BDP1: variants seen among roughly 807,000 people sequenced by gnomAD.
The protein encoded by BDP1 is BDP1 general transcription factor IIIB subunit.
Under a neutral mutation model 266.6 loss-of-function variants are expected in BDP1, and 169 were observed. That is an observed-to-expected ratio of 0.63 (90% CI 0.56 to 0.72). The LOEUF (loss-of-function observed/expected upper bound fraction) is 0.72. BDP1 is among the 30% of genes least tolerant of loss of function. The pLI is 0.00. For missense variants in BDP1, 3,015 were observed against 3,053.8 expected (o/e 0.99, Z 0.30); for synonymous variants, 1,090 against 1,022.4 (o/e 1.07, Z -1.26).
chr5:71,477,944 A>G lies in BDP1; in HGVS notation c.1015-5898A>G, dbSNP rs1201980431. The stretch of plus-strand genomic sequence containing the variant: ...AGATAAATTTCTTTTATCCTACTCT[A>G]CTGGCCTTAAAAACAAAAATAAACA... On this transcript the variant is annotated intron_variant, in intron 7 of 38. Coordinates refer to ENST00000358731, the MANE Select transcript of BDP1 (RefSeq NM_018429.3). Among the ~76,000 whole-genome samples the G allele has an allele frequency of 3.3e-5, 5 of 152,034 alleles. No individual in the cohort carries two copies. The East Asian group carries it at 9.7e-4, about 29-fold the overall frequency.
intron 37 of BDP1, 30 bp downstream of exon 37, chr5:71,560,267 T>C (rs767372345): frequency 3.4e-5 from 55 of 1,603,996 alleles, no homozygotes; most frequent in African/African-American, 1.3e-5. Context: ...AATAAGTGTT[T>C]TGCTCTCTGT....
At chr5:71,548,606 A>G in intron 32 of BDP1, 76 bp from the exon 33 acceptor site, 2 of 882,836 alleles carry the variant, frequency 2.3e-6, no homozygotes, top group Middle Eastern at 2.5e-4. Flanking sequence ...TCTTCACTAT[A>G]TCATATTGAC....
chr5:71,523,086 T>G (rs1010153201), intron 24 of BDP1, 137 bp downstream of exon 24: 1 of 586,820 alleles, frequency 1.7e-6, no homozygotes. Context: ...AAGAGGAGTA[T>G]GTATGTATTA....
chr5:71,566,776 T>G lies in BDP1; in HGVS notation c.*1891T>G, dbSNP rs1313077991. On this transcript the variant is annotated 3_prime_UTR_variant, in exon 39 of 39. Coordinates refer to ENST00000358731, the MANE Select transcript of BDP1 (RefSeq NM_018429.3). Reference sequence around the variant, plus strand: ...GATGAGTTATTTGTCACTAAAGTTATGAGTTGTGCCTAAAAGTTAAAACTG... The same window carrying G: ...GATGAGTTATTTGTCACTAAAGTTAGGAGTTGTGCCTAAAAGTTAAAACTG... 2 of 152,234 alleles carry G rather than the reference T, an allele frequency of 1.3e-5. No individual in the cohort carries two copies. The highest frequency in any genetic ancestry group is 4.8e-5 in the African/African-American group (2 of 41,474). 9.4% of individuals were successfully genotyped at this position (152,234 alleles called of 1,614,324 possible).
At chr5:71,474,733 G>C (rs1001584515) in intron 7 of BDP1, among the ~76,000 whole-genome samples, 1 of 151,930 alleles carries the variant, frequency 6.6e-6, no homozygotes, top group Non-Finnish European at 1.5e-5. Flanking sequence ...TGTAGTCCTA[G>C]CTACTCGGGA....
intron 32 of BDP1, 51 bp downstream of exon 32, chr5:71,545,270 T>TAA: frequency 1.6e-5 from 20 of 1,242,084 alleles, no homozygotes; most frequent in Admixed American, 2.5e-5. Context: ...TTCCTCCATT[T>TAA]AAAAAAAAAA....
At chr5:71,484,384 A>C (rs1466969537) in intron 8 of BDP1, among the ~76,000 whole-genome samples, 2 of 152,154 alleles carry the variant, frequency 1.3e-5, no homozygotes, top group Non-Finnish European at 2.9e-5. Flanking sequence ...CTTAAGTCTG[A>C]TTGGATGGCG....
At chr5:71,492,426 T>C (rs114995822) in intron 11 of BDP1, among the ~76,000 whole-genome samples, 2,362 of 152,322 alleles carry the variant, frequency 0.016, 71 homozygotes, top group African/African-American at 0.054. Context: ...TTATTAATAA[T>C]GTCCTTCTGA....
intron 6 of BDP1, among the ~76,000 whole-genome samples, chr5:71,468,832 C>T (rs906102884): frequency 2.0e-5 from 3 of 151,778 alleles, no homozygotes; most frequent in Non-Finnish European, 4.4e-5. Flanking sequence ...GTCTCGAACT[C>T]CTGACCTCAG....
intron 9 of BDP1, among the ~76,000 whole-genome samples, chr5:71,487,317 C>T (rs1348845728): frequency 1.3e-5 from 2 of 152,126 alleles, no homozygotes; most frequent in Non-Finnish European, 2.9e-5. Flanking sequence ...TCTCGACTCA[C>T]TGCAAGCTCC....
Position 71,560,148 on chromosome 5 carries a change from T to C in BDP1, c.7407T>C (p.Ile2469=), listed in dbSNP as rs910647493. The C allele has an allele frequency of 3.7e-6, 6 of 1,614,042 alleles. No homozygotes were observed. The African/African-American group carries it at 8.0e-5, about 22-fold the overall frequency. ...CTCAGTTACCTCAGGATGAAATGATTGTGTCTGATAAGGAAGAAAGAACTG... is the reference window on the plus strand; with the variant it reads ...CTCAGTTACCTCAGGATGAAATGATCGTGTCTGATAAGGAAGAAAGAACTG... ...NVPQLPQDEM[I]VSDKEERTDA... The change falls in exon 37 of 39, where the codon ATT becomes ATC. Residue 2469 remains isoleucine (I), a synonymous_variant. Coordinates refer to ENST00000358731, the MANE Select transcript of BDP1 (RefSeq NM_018429.3).
In BDP1 at chr5:71,549,326, T is replaced by C. The variant is rs1304705895; in HGVS notation, c.6809-94T>C. 3 of 1,032,416 alleles carry C rather than the reference T, an allele frequency of 2.9e-6. No individual in the cohort carries two copies. In the East Asian group the frequency reaches 7.9e-5, roughly 27 times the overall value. The allele number at this position is 1,032,416 out of a possible 1,614,324, so 64.0% of individuals were successfully genotyped here. ...TTTATTTAGTCTTGATGATAAGTTGTCCTGAGACTGTCTTTTTAGAAATGA... is the reference window on the plus strand; with the variant it reads ...TTTATTTAGTCTTGATGATAAGTTGCCCTGAGACTGTCTTTTTAGAAATGA... On this transcript the variant is annotated intron_variant, in intron 33 of 38. Coordinates refer to ENST00000358731, the MANE Select transcript of BDP1 (RefSeq NM_018429.3).
At chr5:71,483,709 C>T in intron 7 of BDP1, 133 bp from the exon 8 acceptor site, 1 of 641,408 alleles carries the variant, frequency 1.6e-6, no homozygotes, top group Admixed American at 3.2e-5. Flanking sequence ...AAGTAACTTG[C>T]CTATTGGCAA....
chr5:71,576,867 G>T, the BDP1 span, among the ~76,000 whole-genome samples: 2 of 151,968 alleles, frequency 1.3e-5, no homozygotes, highest in Non-Finnish European at 2.9e-5. Context: ...AAGATGATAT[G>T]GAAGGCAGCA....
intron 36 of BDP1, among the ~76,000 whole-genome samples, chr5:71,559,174 ACT>A (rs1743448504): frequency 6.6e-6 from 1 of 151,996 alleles, no homozygotes; most frequent in Admixed American, 6.6e-5. Flanking sequence ...AAACAAAAAA[ACT>A]CTTATAATGT....
At chr5:71,551,559 C>T (rs1742760600) in intron 34 of BDP1, among the ~76,000 whole-genome samples, 1 of 152,232 alleles carries the variant, frequency 6.6e-6, no homozygotes, top group Non-Finnish European at 1.5e-5. Context: ...CTTTTCCTCA[C>T]CTTTCCCCCT....
intron 27 of BDP1, among the ~76,000 whole-genome samples, chr5:71,539,354 G>C (rs554574073): frequency 6.6e-6 from 1 of 152,152 alleles, no homozygotes; most frequent in East Asian, 1.9e-4. Context: ...GGGAGGCATG[G>C]TCAGTGAGTC....
At position 71,549,432 on chromosome 5, in the gene BDP1, C is replaced by G. The variant is rs1742585403; in HGVS notation, c.6821C>G (p.Ala2274Gly). Reference protein sequence around the residue: ...NPQDLTVNLVANVPQDGEDEQ... With the variant: ...NPQDLTVNLVGNVPQDGEDEQ... ...TAAACTTTGATAGTGAATCTAGTTG[C>G]TAATGTACCTCAAGATGGAGAAGAT... The change falls in exon 34 of 39, where the codon GCT becomes GGT. Residue 2274 changes from alanine (A) to glycine (G), a missense_variant. Around this residue, in one of 3 missense-constraint regions of BDP1, gnomAD observed 629 missense variants for 632.5 expected, o/e 0.99. Transcript: ENST00000358731. 2.5e-6 allele frequency: 4 copies of G among 1,611,782 alleles called. No homozygotes were observed. The highest frequency in any genetic ancestry group is 3.4e-6 in the Non-Finnish European group (4 of 1,179,218).
At chr5:71,490,186 C>T (rs78762987) in intron 10 of BDP1, among the ~76,000 whole-genome samples, 2,948 of 152,198 alleles carry the variant, frequency 0.019, 98 homozygotes, top group African/African-American at 0.067. Flanking sequence ...GTCTTGGTCC[C>T]TTTCCTTAAG....
Sources: allele counts gnomAD v4.1 joint callset (sites outside exome capture counted in the v4.1 genomes callset), GRCh38; gene constraint gnomAD v4.1.1; regional missense constraint gnomAD v4.1.1; transcripts MANE v1.5; gene names NCBI Gene and HGNC (gene_info 2026-07-23, HGNC 2026-07-21).